CD109: variants seen among roughly 807,000 people sequenced by gnomAD.
CD109 encodes CD109 molecule.
Under a neutral mutation model 165.8 loss-of-function variants are expected in CD109, and 149 were observed. That is an observed-to-expected ratio of 0.90 (90% CI 0.79 to 1.03). CD109 has a LOEUF of 1.03. Among genes scored for constraint, CD109 ranks in the 50% least tolerant of loss-of-function variants. The pLI is 0.00. For synonymous variants in CD109, 585 were observed against 592.1 expected, an observed-to-expected ratio of 0.99 and a Z score of 0.18; for missense variants, 1,712 against 1,677.8, an observed-to-expected ratio of 1.02 and a Z score of -0.36.
At chr6:73,812,034 T>C (rs1337947209) in intron 28 of CD109, among the ~76,000 whole-genome samples, 171 bp from the exon 29 acceptor site, 1 of 152,162 alleles carries the variant, frequency 6.6e-6, no homozygotes, top group Non-Finnish European at 1.5e-5. Flanking sequence ...TTTCATCACC[T>C]TGCTTACCTA....
At chr6:73,706,831 G>C (rs1033446819) in intron 2 of CD109, among the ~76,000 whole-genome samples, 4 of 152,188 alleles carry the variant, frequency 2.6e-5, no homozygotes. Context: ...TTTTGGCAGG[G>C]CTGTGTTAGG....
chr6:73,761,710 A>G lies in CD109; in HGVS notation c.759-674A>G, dbSNP rs187148556. Among the ~76,000 whole-genome samples the G allele has an allele frequency of 3.0e-3, 452 of 151,962 alleles. 2 individuals are homozygous for G. Among genetic ancestry groups the G allele is most frequent in the Non-Finnish European group, 3.5e-3 (236 of 67,956 alleles). On this transcript the variant is annotated intron_variant, in intron 7 of 32. Transcript: ENST00000287097. ...TAATTTTTTTGCATTTTTAGTAGAG[A>G]TGGGGTTTCACCATCTTGGCCAGGC...
chr6:73,783,815 T>G lies in CD109; in HGVS notation c.2214T>G (p.Thr738=). The G allele has an allele frequency of 6.4e-7, 1 of 1,571,436 alleles. No homozygotes were observed. The highest frequency in any genetic ancestry group is 1.1e-5 in the South Asian group (1 of 89,818). Reference sequence around the variant, plus strand: ...ACCTGGGTCTTGGACTAACAACTACTCCAGTGGAGGTATTGTATTAAAGAG... The same window carrying G: ...ACCTGGGTCTTGGACTAACAACTACGCCAGTGGAGGTATTGTATTAAAGAG... The part of the protein sequence containing the change: ...SEDLGLGLTT[T]PVELQAFQPF... Residue 738 remains threonine, a synonymous_variant, in exon 19 of 33, where the codon ACT becomes ACG. Coordinates refer to ENST00000287097, the MANE Select transcript of CD109 (RefSeq NM_133493.5).
intron 6 of CD109, 123 bp downstream of exon 6, chr6:73,756,805 T>A: frequency 1.6e-6 from 1 of 608,818 alleles, no homozygotes; most frequent in Non-Finnish European, 2.7e-6. Flanking sequence ...AATTCTGGTG[T>A]TTTTTAAAGG....
chr6:73,764,705 A>C (rs542890990), intron 10 of CD109, among the ~76,000 whole-genome samples: 2 of 151,534 alleles, frequency 1.3e-5, no homozygotes, highest in African/African-American at 2.4e-5. Context: ...AATTCCAACT[A>C]CTCGGGAGGC....
At chr6:73,762,632 G>A (rs1381402816) in intron 8 of CD109, 109 bp from the exon 9 acceptor site, 4 of 995,634 alleles carry the variant, frequency 4.0e-6, no homozygotes, top group Non-Finnish European at 4.5e-6. Context: ...CAATTATAGC[G>A]ATTAAAATGG....
At chr6:73,779,938 GC>G (rs1232659320) in intron 15 of CD109, among the ~76,000 whole-genome samples, 2 of 150,630 alleles carry the variant, frequency 1.3e-5, no homozygotes, top group African/African-American at 4.9e-5. Flanking sequence ...CATTTGCATT[GC>G]TTTGATTATC....
chr6:73,760,204 G>A (rs1235382578), intron 7 of CD109, among the ~76,000 whole-genome samples: 5 of 151,280 alleles, frequency 3.3e-5, no homozygotes, highest in Non-Finnish European at 7.4e-5. Flanking sequence ...TCAGGAGATC[G>A]AGACCATCTT....
intron 23 of CD109, among the ~76,000 whole-genome samples, chr6:73,802,257 ATGTGTGTGTGTGTGTGTG>A (rs533767572): frequency 3.7e-4 from 37 of 100,374 alleles, no homozygotes; most frequent in East Asian, 3.4e-3. Context: ...GCATGTGTAT[ATGTGTGTGTGTGTGTGTG>A]TGTGTGTGTG....
At chr6:73,791,192 C>CATATAT (rs58117133) in intron 22 of CD109, among the ~76,000 whole-genome samples, 12 of 69,210 alleles carry the variant, frequency 1.7e-4, no homozygotes, top group African/African-American at 7.7e-4. Flanking sequence ...CACACACATA[C>CATATAT]ATATATATAT....
chr6:73,804,815 T>C (rs890370408), intron 24 of CD109, among the ~76,000 whole-genome samples: 4 of 152,226 alleles, frequency 2.6e-5, no homozygotes, highest in African/African-American at 9.7e-5. Flanking sequence ...ATGAATAACC[T>C]TGGACAATTT....
chr6:73,770,337 G>T (rs1773990152), intron 14 of CD109, among the ~76,000 whole-genome samples: 1 of 152,232 alleles, frequency 6.6e-6, no homozygotes, highest in South Asian at 2.1e-4. Flanking sequence ...TAGTTAGGAA[G>T]AAGCCTGTCT....
intron 22 of CD109, among the ~76,000 whole-genome samples, chr6:73,789,485 G>T (rs1035986510): frequency 5.3e-5 from 8 of 151,290 alleles, no homozygotes; most frequent in African/African-American, 1.9e-4. Context: ...GCGGAGTCTC[G>T]CTCTGTCGCC....
rs113040929 is a variant in CD109, at chr6:73,745,554, C to T, written c.633+9046C>T. 3.2e-4 allele frequency among the ~76,000 whole-genome samples: 48 copies of T among 152,268 alleles called. 5 individuals are homozygous for T. The highest frequency in any genetic ancestry group is 1.2e-3 in the African/African-American group (48 of 41,540). On this transcript the variant is annotated intron_variant, in intron 5 of 32. Transcript: ENST00000287097. ...CCTTGTTTGCACGTTGGATTGTTCCCAACGTGTCCCAGATTCTGACCACAG... is the reference window on the plus strand; with the variant it reads ...CCTTGTTTGCACGTTGGATTGTTCCTAACGTGTCCCAGATTCTGACCACAG...
intron 11 of CD109, 41 bp downstream of exon 11, chr6:73,766,195 C>G: frequency 6.8e-7 from 1 of 1,472,702 alleles, no homozygotes; most frequent in Non-Finnish European, 9.5e-7. Flanking sequence ...GCAACAACAC[C>G]ATTACAGTTG....
At chr6:73,759,566 G>T (rs562146045) in intron 7 of CD109, among the ~76,000 whole-genome samples, 1 of 152,222 alleles carries the variant, frequency 6.6e-6, no homozygotes, top group Non-Finnish European at 1.5e-5. Flanking sequence ...GACAATAATT[G>T]TATCTTTGTT....
intron 5 of CD109, among the ~76,000 whole-genome samples, chr6:73,752,597 T>G (rs1773234833): frequency 6.6e-6 from 1 of 152,188 alleles, no homozygotes; most frequent in Non-Finnish European, 1.5e-5. Flanking sequence ...AAGGCCGTCT[T>G]ACATCCAGTA....
chr6:73,686,373 C>G, the CD109 span, among the ~76,000 whole-genome samples: 1 of 152,194 alleles, frequency 6.6e-6, no homozygotes, highest in Admixed American at 6.5e-5. Flanking sequence ...GTGTTTTGCA[C>G]AGTCTGAATT....
rs536689450 is a variant in CD109 at position 73,808,424 on chromosome 6, G to GT, written c.3355+183dup. On this transcript the variant is annotated intron_variant, in intron 26 of 32. Coordinates refer to ENST00000287097, the MANE Select transcript of CD109 (RefSeq NM_133493.5). ...CCACAATGCTTCTGGTCTCCCCAGG[G>GT]TTTTTTTAACAGAATTTCAGGGCTC... Among the ~76,000 whole-genome samples, 90 of 152,176 alleles carry GT rather than the reference G, an allele frequency of 5.9e-4. 1 individual carries two copies. The highest frequency in any genetic ancestry group is 1.7e-3 in the East Asian group (9 of 5,186).
Sources: allele counts gnomAD v4.1 joint callset (sites outside exome capture counted in the v4.1 genomes callset), GRCh38; gene constraint gnomAD v4.1.1; transcripts MANE v1.5; gene names NCBI Gene and HGNC (gene_info 2026-07-23, HGNC 2026-07-21).